The following SGCZ variants were observed in gnomAD, a reference collection of about 807,000 sequenced individuals.
SGCZ encodes the protein sarcoglycan zeta.
A neutral mutation model predicts 41.3 loss-of-function variants in SGCZ; 40 were observed. The observed-to-expected ratio is 0.97, with a 90% confidence interval of 0.75 to 1.26. The LOEUF is 1.26. SGCZ is among the 50% of genes most tolerant of loss of function. The pLI, the probability that SGCZ is intolerant of heterozygous loss-of-function variation, is 0.00. For synonymous variants in SGCZ, 206 were observed against 137.5 expected, an observed-to-expected ratio of 1.50 and a Z score of -3.49; for missense variants, 552 against 369.8, an observed-to-expected ratio of 1.49 and a Z score of -4.04.
At chr8:15,040,050 T>C (rs1466844138) in intron 1 of SGCZ, among the ~76,000 whole-genome samples, 1 of 152,214 alleles carries the variant, frequency 6.6e-6, no homozygotes, top group Non-Finnish European at 1.5e-5. Flanking sequence ...GCAAACTTAA[T>C]GTCATACAGA....
At chr8:14,642,871 T>C (rs2117433624) in intron 1 of SGCZ, among the ~76,000 whole-genome samples, 1 of 151,698 alleles carries the variant, frequency 6.6e-6, no homozygotes, top group South Asian at 2.1e-4. Flanking sequence ...TAGGGCAATA[T>C]GTTGCTTGAA....
intron 1 of SGCZ, chr8:14,853,548 A>T (rs763569352): frequency 3.5e-5 from 18 of 521,660 alleles, no homozygotes; most frequent in South Asian, 2.4e-4. Flanking sequence ...TTGATAAATT[A>T]TGCAAACATA....
At chr8:14,562,306 G>A (rs933325599) in intron 1 of SGCZ, among the ~76,000 whole-genome samples, 1 of 152,036 alleles carries the variant, frequency 6.6e-6, no homozygotes, top group South Asian at 2.1e-4. Flanking sequence ...AAATATTTAC[G>A]AGTGAAAACT....
intron 1 of SGCZ, among the ~76,000 whole-genome samples, chr8:14,675,317 A>G (rs1196548386): frequency 6.6e-6 from 1 of 151,818 alleles, no homozygotes; most frequent in Non-Finnish European, 1.5e-5. Flanking sequence ...ACAGTAGTCC[A>G]TAAATAATGC....
chr8:14,709,053 A>T (rs796683909), intron 1 of SGCZ, among the ~76,000 whole-genome samples: 4 of 152,282 alleles, frequency 2.6e-5, no homozygotes, highest in African/African-American at 9.6e-5. Context: ...AAATATTTCA[A>T]CGAAATTATG....
chr8:15,154,103 C>T (rs1486216640), intron 1 of SGCZ, among the ~76,000 whole-genome samples: 1 of 152,136 alleles, frequency 6.6e-6, no homozygotes, highest in Non-Finnish European at 1.5e-5. Flanking sequence ...CCACTTACCC[C>T]CTGCATGTGG....
At chr8:14,459,290 A>G (rs1354214669) in intron 2 of SGCZ, among the ~76,000 whole-genome samples, 1 of 152,102 alleles carries the variant, frequency 6.6e-6, no homozygotes, top group African/African-American at 2.4e-5. Context: ...TGGGGGAGGG[A>G]TAGTATTAGG....
rs142162602 is a variant in SGCZ, at chr8:15,197,476, T to C, written c.39+40109A>G. Among the ~76,000 whole-genome samples, 820 of 152,256 alleles carry C rather than the reference T, an allele frequency of 5.4e-3. 7 individuals are homozygous for C. Among genetic ancestry groups the C allele is most frequent in the African/African-American group, 0.019 (790 of 41,546 alleles). On this transcript the variant is annotated intron_variant, in intron 1 of 7. Coordinates refer to ENST00000382080, the MANE Select transcript of SGCZ (RefSeq NM_139167.4). ...TAATATCATGAAAATAAGAAGGTGGTGTAGGAAGCACTGGTATCTTCGCAG... is the reference window on the plus strand; with the variant it reads ...TAATATCATGAAAATAAGAAGGTGGCGTAGGAAGCACTGGTATCTTCGCAG...
chr8:15,119,465 C>T (rs1048799966), intron 1 of SGCZ, among the ~76,000 whole-genome samples: 2 of 151,126 alleles, frequency 1.3e-5, no homozygotes, highest in South Asian at 4.2e-4. Flanking sequence ...CGGAGGCACA[C>T]AAGTTGCAAT....
chr8:14,632,717 A>T (rs77918529), intron 1 of SGCZ, among the ~76,000 whole-genome samples: 4,933 of 152,158 alleles, frequency 0.032, 107 homozygotes, highest in Non-Finnish European at 0.048. Context: ...GATTAGTCCA[A>T]GTGAAACTTG....
At chr8:14,907,256 G>C (rs923761919) in intron 1 of SGCZ, among the ~76,000 whole-genome samples, 5 of 152,058 alleles carry the variant, frequency 3.3e-5, no homozygotes, top group Non-Finnish European at 2.9e-5. Context: ...GTAGAATGGC[G>C]TAATCATGGC....
chr8:15,046,880 C>G (rs2130987042), intron 1 of SGCZ, among the ~76,000 whole-genome samples: 1 of 152,134 alleles, frequency 6.6e-6, no homozygotes, highest in Middle Eastern at 3.4e-3. Flanking sequence ...GAAAATATGT[C>G]TCCTACTATT....
intron 1 of SGCZ, among the ~76,000 whole-genome samples, chr8:14,719,281 C>G (rs1432445666): frequency 1.3e-5 from 2 of 149,038 alleles, no homozygotes; most frequent in Non-Finnish European, 3.0e-5. Context: ...GGTTCCAAGT[C>G]TTTGCTATTG....
chr8:14,693,358 C>A (rs1403997748), intron 1 of SGCZ, among the ~76,000 whole-genome samples: 1 of 150,654 alleles, frequency 6.6e-6, no homozygotes, highest in Non-Finnish European at 1.5e-5. Flanking sequence ...ATGGCACGAT[C>A]TCGGCTCACT....
intron 1 of SGCZ, among the ~76,000 whole-genome samples, chr8:14,808,610 G>A (rs1161843068): frequency 1.3e-5 from 2 of 152,140 alleles, no homozygotes; most frequent in Admixed American, 1.3e-4. Flanking sequence ...GGAGAAATAG[G>A]AACACTTTTA....
At chr8:14,849,201 C>A (rs1047752168) in intron 1 of SGCZ, among the ~76,000 whole-genome samples, 4 of 151,994 alleles carry the variant, frequency 2.6e-5, no homozygotes, top group East Asian at 1.9e-4. Flanking sequence ...TGTAGTGGAA[C>A]TGAACTTCTT....
chr8:14,430,531 C>A (rs566677691), intron 2 of SGCZ, among the ~76,000 whole-genome samples: 1 of 152,192 alleles, frequency 6.6e-6, no homozygotes, highest in East Asian at 1.9e-4. Flanking sequence ...AATCTGCATA[C>A]AAGTGACCTA....
chr8:14,170,640 A>G (rs1181643610), intron 4 of SGCZ, among the ~76,000 whole-genome samples: 3 of 152,188 alleles, frequency 2.0e-5, no homozygotes, highest in African/African-American at 7.2e-5. Context: ...ATGGAACAAC[A>G]TATGTACAAA....
At chr8:15,069,512 C>T (rs1234448360) in intron 1 of SGCZ, among the ~76,000 whole-genome samples, 8 of 152,264 alleles carry the variant, frequency 5.3e-5, no homozygotes, top group South Asian at 4.1e-4. Flanking sequence ...CTGATTTTCA[C>T]GTTAACACCA....
Sources: allele counts gnomAD v4.1 joint callset (sites outside exome capture counted in the v4.1 genomes callset), GRCh38; gene constraint gnomAD v4.1.1; transcripts MANE v1.5; gene names NCBI Gene and HGNC (gene_info 2026-07-23, HGNC 2026-07-21).